TMEM35A: variants seen among roughly 807,000 people sequenced by gnomAD.
TMEM35A encodes nicotinic acetylcholine receptor chaperone.
For missense variants in TMEM35A, 83 were observed against 132.7 expected (o/e 0.63, Z 1.84); for synonymous variants, 50 against 54.7 (o/e 0.91, Z 0.38).
intron 1 of TMEM35A, among the ~76,000 whole-genome samples, chrX:101,090,169 C>CTTTTTTTTTTTTTTTTTTTTTTTTTT (rs771239790): frequency 1.0e-5 from 1 of 97,527 alleles, no homozygotes; most frequent in African/African-American, 4.4e-5. Flanking sequence ...TTCTTTCTTT[C>CTTTTTTTTTTTTTTTTTTTTTTTTTT]TTTTTTTTTT....
At chrX:101,085,576 G>C (rs1191458200) in intron 1 of TMEM35A, among the ~76,000 whole-genome samples, 1 of 109,997 alleles carries the variant, frequency 9.1e-6, no homozygotes, top group African/African-American at 3.3e-5. Context: ...ACTCTAGCCT[G>C]GGCGACAGAG....
At chrX:101,086,197 C>T (rs1259258929) in intron 1 of TMEM35A, among the ~76,000 whole-genome samples, 4 of 111,545 alleles carry the variant, frequency 3.6e-5, no homozygotes, top group East Asian at 5.7e-4. Context: ...CTCGGCTCAC[C>T]GCAACCTCTG....
chrX:101,084,908 C>CA (rs1297522600), intron 1 of TMEM35A, among the ~76,000 whole-genome samples: 5 of 109,579 alleles, frequency 4.6e-5, no homozygotes, highest in African/African-American at 6.6e-5. Flanking sequence ...AGAAAAAAAA[C>CA]AAAAAAAACC....
At chrX:101,091,305 T>A (rs976628974) in intron 1 of TMEM35A, among the ~76,000 whole-genome samples, 2 of 92,977 alleles carry the variant, frequency 2.2e-5, no homozygotes, top group African/African-American at 1.1e-4. Flanking sequence ...TCTCTCTCTT[T>A]TTTTTTTTTT....
At chrX:101,092,442 TTA>T (rs2089326737) in intron 1 of TMEM35A, among the ~76,000 whole-genome samples, 1 of 112,083 alleles carries the variant, frequency 8.9e-6, no homozygotes, top group African/African-American at 3.2e-5. Context: ...CTGTGCTGCT[TTA>T]TGTTGTTTAC....
intron 1 of TMEM35A, 191 bp from the exon 2 acceptor site, chrX:101,094,382 T>G: frequency 1.4e-5 from 5 of 351,185 alleles, no homozygotes; most frequent in Non-Finnish European, 1.9e-5. Context: ...CCCAAAGTGC[T>G]GAGATTACAG....
chrX:101,086,731 A>G (rs1452778932), intron 1 of TMEM35A, among the ~76,000 whole-genome samples: 2 of 111,247 alleles, frequency 1.8e-5, no homozygotes, highest in Non-Finnish European at 3.8e-5. Flanking sequence ...CTATGGTTTC[A>G]GAGCCTGGGT....
At chrX:101,089,533 T>C (rs57797950) in intron 1 of TMEM35A, among the ~76,000 whole-genome samples, 9 of 103,904 alleles carry the variant, frequency 8.7e-5, no homozygotes, top group Non-Finnish European at 1.7e-4. Flanking sequence ...AGCGGCAGGA[T>C]CACTTTGGAA....
intron 1 of TMEM35A, among the ~76,000 whole-genome samples, chrX:101,085,339 G>C (rs1000209796): frequency 1.8e-5 from 2 of 112,254 alleles, no homozygotes; most frequent in African/African-American, 6.5e-5. Flanking sequence ...GGTCGCTCAC[G>C]CCTGTAATCC....
At chrX:101,090,169 C>CTTTTTTTTTTTTTTTTTTTTTTTTTTT (rs771239790) in intron 1 of TMEM35A, among the ~76,000 whole-genome samples, 2 of 97,522 alleles carry the variant, frequency 2.1e-5, no homozygotes, top group African/African-American at 8.8e-5. Context: ...TTCTTTCTTT[C>CTTTTTTTTTTTTTTTTTTTTTTTTTTT]TTTTTTTTTT....
intron 1 of TMEM35A, among the ~76,000 whole-genome samples, chrX:101,082,915 G>C (rs2089296881): frequency 9.0e-6 from 1 of 111,450 alleles, no homozygotes; most frequent in South Asian, 3.8e-4. Context: ...AAAGTGCTGG[G>C]ATTACAGGTG....
rs1472672037 is a variant in TMEM35A, at chrX:101,079,000, C to T, written c.-3C>T. 1 of 1,209,541 alleles carries T rather than the reference C, an allele frequency of 8.3e-7. No individual in the cohort carries two copies. Among genetic ancestry groups the T allele is most frequent in the African/African-American group, 1.7e-5 (1 of 57,149 alleles). ...ATTAGTTGGGACCTGCCTTGGCGAC[C>T]CCATGGCATCCCCCAGAACCGTAAC... On this transcript the variant is annotated 5_prime_UTR_variant, in exon 1 of 2. Coordinates refer to ENST00000372930, the MANE Select transcript of TMEM35A (RefSeq NM_021637.3).
Position 101,094,776 on chromosome X carries a change from C to T in TMEM35A, c.324C>T (p.Val108=), listed in dbSNP as rs767253603. 10 of 1,209,168 alleles carry T rather than the reference C, an allele frequency of 8.3e-6. No homozygotes were observed. In the South Asian group the frequency reaches 1.6e-4, roughly 19 times the overall value. The change falls in exon 2 of 2, where the codon GTC becomes GTT. Residue 108 remains valine, a synonymous_variant. Transcript: ENST00000372930. ...CTGTGCTCTTCTTCCACCAGCTGGT[C>T]GGTGATCCTCTCAAACGCTACGCCC... The part of the protein sequence containing the change: ...VLAVLFFHQL[V]GDPLKRYAHA...
At chrX:101,079,339 G>A (rs2089285106) in intron 1 of TMEM35A, among the ~76,000 whole-genome samples, 1 of 110,655 alleles carries the variant, frequency 9.0e-6, no homozygotes, top group African/African-American at 3.3e-5. Context: ...GCCAGTTGGG[G>A]GAGGGGTTGC....
chrX:101,090,165 C>CTTTTTTTTTTTTTTTTTT (rs1569495904), intron 1 of TMEM35A, among the ~76,000 whole-genome samples: 2 of 98,161 alleles, frequency 2.0e-5, no homozygotes, highest in African/African-American at 1.0e-4. Context: ...CCATTTCTTT[C>CTTTTTTTTTTTTTTTTTT]TTTCTTTTTT....
At chrX:101,081,804 G>A (rs1327181811) in intron 1 of TMEM35A, 3 of 111,767 alleles carry the variant, frequency 2.7e-5, no homozygotes, top group African/African-American at 6.5e-5. Context: ...TAGTGTATTC[G>A]TTATTTTTAT....
intron 1 of TMEM35A, among the ~76,000 whole-genome samples, chrX:101,091,678 T>C (rs192417355): frequency 2.7e-5 from 3 of 111,913 alleles, no homozygotes; most frequent in African/African-American, 6.5e-5. Context: ...GCAGAACAGA[T>C]ATTGTTCTCC....
At chrX:101,082,792 G>T (rs1182216036) in intron 1 of TMEM35A, among the ~76,000 whole-genome samples, 2 of 109,844 alleles carry the variant, frequency 1.8e-5, no homozygotes, top group African/African-American at 6.6e-5. Flanking sequence ...TTACAGGTGC[G>T]TGCCACCATG....
chrX:101,081,152 G>T (rs1462978182), intron 1 of TMEM35A, among the ~76,000 whole-genome samples: 1 of 112,714 alleles, frequency 8.9e-6, no homozygotes, highest in African/African-American at 3.2e-5. Flanking sequence ...TTGTGTGTGG[G>T]TGTGTATGCA....
Sources: allele counts gnomAD v4.1 joint callset (sites outside exome capture counted in the v4.1 genomes callset), GRCh38; gene constraint gnomAD v4.1.1; transcripts MANE v1.5; gene names NCBI Gene and HGNC (gene_info 2026-07-23, HGNC 2026-07-21).